Variants in FAU observed in about 807,000 individuals in gnomAD.
FAU encodes FAU ubiquitin like and ribosomal protein S30 fusion.
For synonymous variants in FAU, 70 were observed against 69.9 expected (o/e 1.00, Z -0.01); for missense variants, 125 against 173.9 (o/e 0.72, Z 1.58).
At chr11:65,121,282 G>C (rs1014251271) in intron 3 of FAU, 1 of 744,210 alleles carries the variant, frequency 1.3e-6, no homozygotes, top group Non-Finnish European at 2.1e-6. Flanking sequence ...ACCAGACTAG[G>C]ATCTCGTGAT....
chr11:65,121,995 G>A (rs578167512), intron 1 of FAU, 95 bp downstream of exon 1: 3 of 654,820 alleles, frequency 4.6e-6, no homozygotes, highest in African/African-American at 1.8e-5. Flanking sequence ...GCAGGGCCAC[G>A]GAGCAGGCCC....
chr11:65,121,718 G>C, intron 2 of FAU, 21 bp downstream of exon 2: 1 of 1,613,986 alleles, frequency 6.2e-7, no homozygotes, highest in Middle Eastern at 1.7e-4. Context: ...ATGGAACCCA[G>C]GGCGCACCAA....
intron 3 of FAU, chr11:65,121,239 T>C: frequency 2.8e-6 from 2 of 722,210 alleles, no homozygotes; most frequent in Non-Finnish European, 4.5e-6. Context: ...TTGGGGGCCC[T>C]GGTCTGACCT....
chr11:65,121,281 G>A (rs895730922), intron 3 of FAU: 2 of 745,116 alleles, frequency 2.7e-6, no homozygotes, highest in East Asian at 2.7e-5. Flanking sequence ...AACCAGACTA[G>A]GATCTCGTGA....
In FAU at chr11:65,121,726, C is replaced by G; in HGVS notation, c.75+13G>C. The G allele has an allele frequency of 6.2e-7, 1 of 1,614,046 alleles. No homozygotes were observed. Among genetic ancestry groups the G allele is most frequent in the Non-Finnish European group, 8.5e-7 (1 of 1,180,014 alleles). On this transcript the variant is annotated intron_variant, in intron 2 of 4. Coordinates refer to ENST00000529639, the MANE Select transcript of FAU (RefSeq NM_001997.5). ...CAAGAAAATGGAACCCAGGGCGCACCAAGCAGCCTTACCTTGATCTGGGCG... is the reference window on the plus strand; with the variant it reads ...CAAGAAAATGGAACCCAGGGCGCACGAAGCAGCCTTACCTTGATCTGGGCG...
At chr11:65,121,677 C>T (rs779578558) in intron 2 of FAU, 33 bp from the exon 3 acceptor site, 19 of 1,613,638 alleles carry the variant, frequency 1.2e-5, no homozygotes, top group South Asian at 7.7e-5. Flanking sequence ...TAAGCGTTCC[C>T]TCGGGCCGCG....
intron 4 of FAU, 66 bp from the exon 5 acceptor site, chr11:65,120,872 G>C (rs1290137420): frequency 6.2e-7 from 1 of 1,609,656 alleles, no homozygotes; most frequent in African/African-American, 1.3e-5. Context: ...CTTCCCTCAG[G>C]CTCATCTCCA....
At chr11:65,121,419 G>T in intron 3 of FAU, 81 bp downstream of exon 3, 2 of 1,513,894 alleles carry the variant, frequency 1.3e-6, no homozygotes, top group South Asian at 1.3e-5. Flanking sequence ...CCATAGGTGT[G>T]ACACTCAGCT....
chr11:65,122,043 C>G, intron 1 of FAU, 47 bp downstream of exon 1: 1 of 606,904 alleles, frequency 1.6e-6, no homozygotes, highest in East Asian at 2.8e-5. Context: ...GACCCCGCAG[C>G]CAACCTGCTA....
Position 65,122,084 on chromosome 11 carries a change from T to A in FAU, c.-9+6A>T. 1 of 600,318 alleles carries A rather than the reference T, an allele frequency of 1.7e-6. No homozygotes were observed. The highest frequency in any genetic ancestry group is 2.9e-6 in the Non-Finnish European group (1 of 338,988). The allele number at this position is 600,318 out of a possible 1,614,324, so 37.2% of individuals were successfully genotyped here. On this transcript the variant is annotated splice_donor_region_variant and intron_variant, in intron 1 of 4. Transcript: ENST00000529639. ...CCTTCGGATCCAGCCAAGGCCCCAT[T>A]CTTACCTGAACGGCGGTCCCAGCTA...
chr11:65,120,939 A>T (rs1284821992), intron 4 of FAU, 42 bp downstream of exon 4: 2 of 1,611,086 alleles, frequency 1.2e-6, no homozygotes, highest in East Asian at 2.2e-5. Flanking sequence ...CTGTGAAAGG[A>T]AAAAAAGTCC....
rs1948051385 is a variant in FAU at position 65,121,797 on chromosome 11, C to T, written c.17G>A (p.Arg6His). 1.2e-6 allele frequency: 2 copies of T among 1,613,860 alleles called. No homozygotes were observed. The highest frequency in any genetic ancestry group is 1.3e-5 in the African/African-American group (1 of 74,894). The change falls in exon 2 of 5, where the codon CGC (arginine) becomes CAC (histidine). Residue 6 changes from arginine (R) to histidine (H), a missense_variant. Physicochemically the swap from Arg to His is conservative, Grantham distance 29. Coordinates refer to ENST00000529639, the MANE Select transcript of FAU (RefSeq NM_001997.5). ...CTCGAAGGTGTGTAGCTCCTGGGCG[C>T]GGACAAAGAGCTGCATATTGGCGAC... MQLFV[R>H]AQELHTFEVT... is the part of the protein sequence containing the mutation.
At chr11:65,121,354 G>T (rs1948045080) in intron 3 of FAU, 146 bp downstream of exon 3, 3 of 1,100,722 alleles carry the variant, frequency 2.7e-6, no homozygotes, top group Admixed American at 5.2e-5. Flanking sequence ...TCAACATGAG[G>T]GATGTAAACA....
rs988635728 is a variant in FAU at position 65,121,928 on chromosome 11, C to T, written c.-8-107G>A. Reference sequence around the variant, plus strand: ...GAAACGATCGCGACGGGATGGTGGTCGCGGCGGCTCACGTGGGGAAGGCCA... The same window carrying T: ...GAAACGATCGCGACGGGATGGTGGTTGCGGCGGCTCACGTGGGGAAGGCCA... On this transcript the variant is annotated intron_variant, in intron 1 of 4. Transcript: ENST00000529639. 3.3e-6 allele frequency: 4 copies of T among 1,196,088 alleles called. No homozygotes were observed. The South Asian group carries it at 4.0e-5, about 12-fold the overall frequency. 74.1% of individuals were successfully genotyped at this position (1,196,088 alleles called of 1,614,324 possible).
intron 2 of FAU, 30 bp downstream of exon 2, chr11:65,121,709 T>C (rs771107245): frequency 5.6e-6 from 9 of 1,613,444 alleles, no homozygotes; most frequent in African/African-American, 2.7e-5. Flanking sequence ...CACAAGAAAA[T>C]GGAACCCAGG....
chr11:65,121,591 C>T lies in FAU; in HGVS notation c.129G>A (p.Leu43=), dbSNP rs1202092375. ...GIAPEDQVVL[L]AGAPLEDEAT... is the part of the protein sequence containing the mutation. ...CCTCATCCTCCAGGGGCGCGCCTGC[C>T]AGGAGCACGACTTGATCTTCCGGGG... The change falls in exon 3 of 5, where the codon CTG becomes CTA. Residue 43 remains leucine, a synonymous_variant. Transcript: ENST00000529639. The T allele has an allele frequency of 6.2e-7, 1 of 1,614,022 alleles. No individual in the cohort carries two copies. The highest frequency in any genetic ancestry group is 8.5e-7 in the Non-Finnish European group (1 of 1,180,026).
In FAU at chr11:65,120,678, G is replaced by T; in HGVS notation, c.*3C>A. On this transcript the variant is annotated 3_prime_UTR_variant, in exon 5 of 5. Coordinates refer to ENST00000529639, the MANE Select transcript of FAU (RefSeq NM_001997.5). Reference sequence around the variant, plus strand: ...ATTAGAGAAAGCCAGAATTACAAAAGACTTAAGAGTTGGCATTGGGGCCCT... The same window carrying T: ...ATTAGAGAAAGCCAGAATTACAAAATACTTAAGAGTTGGCATTGGGGCCCT... 2 of 1,613,940 alleles carry T rather than the reference G, an allele frequency of 1.2e-6. No individual in the cohort carries two copies. Among genetic ancestry groups the T allele is most frequent in the Non-Finnish European group, 1.7e-6 (2 of 1,179,956 alleles).
At chr11:65,121,866 C>A in intron 1 of FAU, 45 bp from the exon 2 acceptor site, 3 of 1,593,982 alleles carry the variant, frequency 1.9e-6, no homozygotes, top group South Asian at 1.1e-5. Context: ...AAGAAATGCT[C>A]TGGGATAAAG....
rs140103133 is a variant in FAU at position 65,121,515 on chromosome 11, C to A, written c.205G>T (p.Gly69Cys). The A allele has an allele frequency of 2.8e-5, 45 of 1,613,350 alleles. No homozygotes were observed. Among genetic ancestry groups the A allele is most frequent in the Non-Finnish European group, 3.6e-5 (43 of 1,179,778 alleles). ...TCTCACTCACCTCCAAGCATGCGGC[C>A]TGCTACTTCCAGGGTAGTCAGGGCC... The part of the protein sequence containing the change: ...VEALTTLEVA[G>C]RMLGGKVHGS... The change falls in exon 3 of 5, where the codon GGC becomes TGC. Residue 69 changes from glycine (G) to cysteine (C), a missense_variant. Physicochemically the swap from Gly to Cys is radical, Grantham distance 159. Transcript: ENST00000529639.
Sources: gnomAD v4.1 joint callset for allele counts on GRCh38, gnomAD v4.1.1 for gene constraint, MANE v1.5 for transcripts, NCBI Gene and HGNC (gene_info 2026-07-23, HGNC 2026-07-21) for gene names.